Variants in HDAC9 observed in about 807,000 individuals in gnomAD.
HDAC9 encodes histone deacetylase 9, also known as MEF-2 interacting transcription repressor (MITR) protein.
Under a neutral mutation model 139.4 loss-of-function variants are expected in HDAC9, and 41 were observed. That is an observed-to-expected ratio of 0.29 (90% CI 0.23 to 0.38). The LOEUF is 0.38. Ranked by LOEUF, HDAC9 falls within the 10% of genes least tolerant of loss-of-function variation. The pLI, the probability that HDAC9 is intolerant of heterozygous loss-of-function variation, is 1.00. For missense variants in HDAC9, 1,147 were observed against 1,297.0 expected (o/e 0.88, Z 1.78); for synonymous variants, 517 against 476.2 (o/e 1.09, Z -1.12).
chr7:18,569,041 C>A (rs180938726), intron 2 of HDAC9, among the ~76,000 whole-genome samples: 7 of 151,534 alleles, frequency 4.6e-5, no homozygotes, highest in African/African-American at 1.7e-4. Flanking sequence ...GAGCAAAATT[C>A]TGTCTCAAAA....
intron 2 of HDAC9, among the ~76,000 whole-genome samples, chr7:18,180,928 G>A (rs1221939860): frequency 6.6e-6 from 1 of 152,118 alleles, no homozygotes; most frequent in Non-Finnish European, 1.5e-5. Flanking sequence ...GCATTCTTTG[G>A]TTTGTGACTG....
chr7:18,370,612 A>T lies in HDAC9; in HGVS notation c.-42+80097A>T, dbSNP rs1784523087. On this transcript the variant is annotated intron_variant, in intron 1 of 3. Transcript: ENST00000413509. ...ATCATAAGTGTGAGGCAATTGGATC[A>T]TTGTGCTCTGTAAGGAGCATATTCC... 4.6e-5 allele frequency among the ~76,000 whole-genome samples: 7 copies of T among 152,196 alleles called. No individual in the cohort carries two copies. In the South Asian group the frequency reaches 1.4e-3, roughly 31 times the overall value.
At chr7:18,383,920 A>G (rs1399575654) in intron 1 of HDAC9, among the ~76,000 whole-genome samples, 2 of 151,528 alleles carry the variant, frequency 1.3e-5, no homozygotes, top group South Asian at 2.1e-4. Flanking sequence ...GAAAGAACTG[A>G]TGAAATTACT....
At chr7:18,424,701 G>C (rs1789949280) in intron 1 of HDAC9, among the ~76,000 whole-genome samples, 1 of 152,160 alleles carries the variant, frequency 6.6e-6, no homozygotes, top group African/African-American at 2.4e-5. Flanking sequence ...CTGAGGTCAG[G>C]AGTTTGAGGC....
chr7:18,691,473 C>T (rs576369347), intron 12 of HDAC9, among the ~76,000 whole-genome samples: 3 of 151,914 alleles, frequency 2.0e-5, no homozygotes, highest in East Asian at 1.9e-4. Context: ...TTGATTTTTC[C>T]GTGGGCTGTT....
intron 12 of HDAC9, among the ~76,000 whole-genome samples, chr7:18,726,613 C>T (rs1643668959): frequency 6.6e-6 from 1 of 151,816 alleles, no homozygotes. Flanking sequence ...TAAATAAAAA[C>T]AGCATAAAGA....
chr7:18,274,109 A>C (rs1164108855), intron 2 of HDAC9, among the ~76,000 whole-genome samples: 1 of 152,236 alleles, frequency 6.6e-6, no homozygotes, highest in Non-Finnish European at 1.5e-5. Context: ...ATGTATACAA[A>C]GGGACATGTA....
intron 25 of HDAC9, among the ~76,000 whole-genome samples, chr7:18,982,965 A>T (rs1212192923): frequency 3.3e-5 from 5 of 152,208 alleles, no homozygotes; most frequent in Non-Finnish European, 7.3e-5. Context: ...TGGTTTAAAA[A>T]CACATGTAAA....
Position 18,936,316 on chromosome 7 carries a change from A to T in HDAC9, c.2937+374A>T, listed in dbSNP as rs1370979561. ...AAAAAACTGTTTTAAAAATTGGTAA[A>T]CTATTTTTGTCACCATTTAAGAATT... On this transcript the variant is annotated intron_variant, in intron 23 of 25. Transcript: ENST00000686413. Among the ~76,000 whole-genome samples, 10 of 152,316 alleles carry T rather than the reference A, an allele frequency of 6.6e-5. No individual in the cohort carries two copies. The East Asian group carries it at 1.9e-3, about 29-fold the overall frequency.
chr7:18,826,445 G>T (rs890557536), intron 17 of HDAC9, among the ~76,000 whole-genome samples: 1 of 152,150 alleles, frequency 6.6e-6, no homozygotes, highest in African/African-American at 2.4e-5. Context: ...AGAGCACAAT[G>T]CGAGGTTTGG....
At chr7:18,631,171 A>G (rs1782215426) in intron 7 of HDAC9, among the ~76,000 whole-genome samples, 1 of 152,114 alleles carries the variant, frequency 6.6e-6, no homozygotes, top group African/African-American at 2.4e-5. Flanking sequence ...TATAAGGATT[A>G]TGATTTACCA....
At chr7:18,174,552 A>G (rs925136763) in intron 2 of HDAC9, among the ~76,000 whole-genome samples, 6 of 152,082 alleles carry the variant, frequency 3.9e-5, no homozygotes, top group Admixed American at 2.0e-4. Context: ...AGAATTTTCA[A>G]CTTTTCTGCT....
At chr7:18,455,693 C>T (rs113888427) in intron 1 of HDAC9, among the ~76,000 whole-genome samples, 26 of 152,210 alleles carry the variant, frequency 1.7e-4, no homozygotes, top group South Asian at 6.2e-4. Flanking sequence ...CTAATTACAC[C>T]AATAGATTCA....
intron 21 of HDAC9, among the ~76,000 whole-genome samples, chr7:18,838,135 C>A (rs147861814): frequency 6.6e-5 from 10 of 152,012 alleles, no homozygotes; most frequent in African/African-American, 2.4e-4. Flanking sequence ...GAATTTGTTA[C>A]GGCTAGGTCA....
At chr7:18,359,352 A>G (rs1783589771) in intron 1 of HDAC9, among the ~76,000 whole-genome samples, 1 of 152,172 alleles carries the variant, frequency 6.6e-6, no homozygotes, top group Admixed American at 6.5e-5. Context: ...TGTCTAAAAT[A>G]AAATAAAATA....
chr7:18,242,414 G>C (rs1235361351), intron 2 of HDAC9, among the ~76,000 whole-genome samples: 2 of 152,202 alleles, frequency 1.3e-5, no homozygotes, highest in Non-Finnish European at 2.9e-5. Flanking sequence ...AAAATGACTG[G>C]ATAACAAAGC....
chr7:18,434,356 T>A (rs1338716449), intron 1 of HDAC9, among the ~76,000 whole-genome samples: 1 of 152,238 alleles, frequency 6.6e-6, no homozygotes, highest in African/African-American at 2.4e-5. Context: ...AAAGACTTCA[T>A]GACAGAGATG....
intron 25 of HDAC9, among the ~76,000 whole-genome samples, chr7:18,982,018 G>C (rs76906603): frequency 1.3e-3 from 193 of 152,232 alleles, no homozygotes; most frequent in African/African-American, 4.4e-3. Context: ...AGGGAGAAGA[G>C]AATCAGGGTG....
chr7:18,316,563 A>C lies in HDAC9; in HGVS notation c.-42+26048A>C, dbSNP rs1799653134. On this transcript the variant is annotated intron_variant, in intron 1 of 3. Coordinates refer to the HDAC9 transcript ENST00000413509. ...CCATAATCTCCGTACTTGGGAGGCC[A>C]AGGCACATGGATTGCTTGAGCCCAG... 2.0e-5 allele frequency among the ~76,000 whole-genome samples: 3 copies of C among 147,948 alleles called. No homozygotes were observed. In the South Asian group the frequency reaches 6.5e-4, roughly 32 times the overall value.
Sources: gnomAD v4.1 joint callset for allele counts (sites outside exome capture counted in the v4.1 genomes callset) on GRCh38, gnomAD v4.1.1 for gene constraint, MANE v1.5 for transcripts, NCBI Gene and HGNC (gene_info 2026-07-23, HGNC 2026-07-21) for gene names.